Variants in EFNA5 observed in about 807,000 individuals in gnomAD.
The protein encoded by EFNA5 is ephrin-A5.
Under a neutral mutation model 22.9 loss-of-function variants are expected in EFNA5, and 5 were observed. The ratio of observed to expected loss-of-function variants is 0.22; its 90% CI spans 0.11 to 0.46. EFNA5 has a LOEUF of 0.46. EFNA5 is among the 20% of genes least tolerant of loss of function. The pLI is 0.99. For missense variants in EFNA5, 237 were observed against 293.3 expected (o/e 0.81, Z 1.40); for synonymous variants, 113 against 112.2 (o/e 1.01, Z -0.04).
chr5:107,649,978 T>A (rs555898898), intron 1 of EFNA5, among the ~76,000 whole-genome samples: 2 of 152,110 alleles, frequency 1.3e-5, no homozygotes, highest in Non-Finnish European at 2.9e-5. Flanking sequence ...CACCTCAAGT[T>A]CTTAAGCATC....
intron 1 of EFNA5, among the ~76,000 whole-genome samples, chr5:107,557,957 G>T: frequency 6.6e-6 from 1 of 152,230 alleles, no homozygotes; most frequent in African/African-American, 2.4e-5. Flanking sequence ...GCACAAAATT[G>T]CAATCATATG....
intron 1 of EFNA5, among the ~76,000 whole-genome samples, chr5:107,664,665 C>T (rs886563158): frequency 5.3e-5 from 8 of 152,036 alleles, no homozygotes; most frequent in Non-Finnish European, 1.0e-4. Context: ...AGGTGTTATC[C>T]ATCACAAATG....
At chr5:107,469,394 A>ATTT (rs5870262) in intron 1 of EFNA5, among the ~76,000 whole-genome samples, 2 of 151,012 alleles carry the variant, frequency 1.3e-5, no homozygotes, top group Non-Finnish European at 3.0e-5. Flanking sequence ...TCTTTCTTTT[A>ATTT]TTTTTTTTTG....
intron 1 of EFNA5, among the ~76,000 whole-genome samples, chr5:107,433,613 T>A (rs1749028103): frequency 6.6e-6 from 1 of 152,202 alleles, no homozygotes; most frequent in African/African-American, 2.4e-5. Flanking sequence ...TATCTCTCCC[T>A]TGCTGAGCAT....
chr5:107,616,215 C>T (rs142986167), intron 1 of EFNA5, among the ~76,000 whole-genome samples: 2,929 of 152,208 alleles, frequency 0.019, 59 homozygotes, highest in Non-Finnish European at 0.023. Flanking sequence ...TATCTTTAAT[C>T]AGAGCACATA....
At chr5:107,397,811 T>A (rs995785954) in intron 2 of EFNA5, among the ~76,000 whole-genome samples, 10 of 152,148 alleles carry the variant, frequency 6.6e-5, no homozygotes, top group African/African-American at 2.2e-4. Flanking sequence ...GATTGTACAT[T>A]TTGTTTCACA....
chr5:107,512,391 A>C (rs1347058547), intron 1 of EFNA5, among the ~76,000 whole-genome samples: 11 of 151,308 alleles, frequency 7.3e-5, no homozygotes, highest in South Asian at 4.2e-4. Flanking sequence ...ACAACAACAA[A>C]AAACACAAAA....
intron 1 of EFNA5, among the ~76,000 whole-genome samples, chr5:107,654,334 C>T (rs566202377): frequency 1.3e-5 from 2 of 151,966 alleles, no homozygotes; most frequent in Non-Finnish European, 2.9e-5. Flanking sequence ...TTTGTATTTG[C>T]CAGTGGGTTT....
intron 1 of EFNA5, among the ~76,000 whole-genome samples, chr5:107,612,608 T>C (rs1253645745): frequency 6.6e-6 from 1 of 152,134 alleles, no homozygotes; most frequent in East Asian, 1.9e-4. Context: ...TAAAAAGTTA[T>C]CAGTGAGAGC....
At chr5:107,561,878 C>A (rs771901593) in intron 1 of EFNA5, among the ~76,000 whole-genome samples, 31 of 151,976 alleles carry the variant, frequency 2.0e-4, no homozygotes, top group Non-Finnish European at 3.4e-4. Flanking sequence ...TCATTTACCA[C>A]TTTAGACATG....
intron 2 of EFNA5, among the ~76,000 whole-genome samples, chr5:107,401,804 C>T (rs537676462): frequency 5.3e-5 from 8 of 152,272 alleles, no homozygotes; most frequent in African/African-American, 1.4e-4. Context: ...TGCTTTCATT[C>T]GGGTGAAAAG....
chr5:107,476,735 T>TTCTCTCTCTCTCTCTCTC (rs34563371), intron 1 of EFNA5, among the ~76,000 whole-genome samples: 1 of 148,120 alleles, frequency 6.8e-6, no homozygotes, highest in East Asian at 2.0e-4. Context: ...TTTTTTCTCT[T>TTCTCTCTCTCTCTCTCTC]TCTCTCTCTC....
intron 1 of EFNA5, among the ~76,000 whole-genome samples, chr5:107,669,261 T>G (rs1432886117): frequency 6.6e-6 from 1 of 150,998 alleles, no homozygotes; most frequent in Non-Finnish European, 1.5e-5. Context: ...GCGCACCAAC[T>G]CTTAGGCTAA....
chr5:107,404,332 C>T (rs905227027), intron 2 of EFNA5, among the ~76,000 whole-genome samples: 3 of 152,166 alleles, frequency 2.0e-5, no homozygotes, highest in African/African-American at 7.2e-5. Context: ...ACTCCAATTA[C>T]TCTAGAATAT....
At chr5:107,483,159 C>T (rs1459564361) in intron 1 of EFNA5, among the ~76,000 whole-genome samples, 1 of 152,066 alleles carries the variant, frequency 6.6e-6, no homozygotes, top group African/African-American at 2.4e-5. Context: ...AATATAATCT[C>T]CCTTTTCTTT....
At chr5:107,442,849 C>T (rs1580454413) in intron 1 of EFNA5, among the ~76,000 whole-genome samples, 3 of 147,328 alleles carry the variant, frequency 2.0e-5, no homozygotes, top group South Asian at 4.3e-4. Context: ...TCTTCTTTCT[C>T]TTCCAACAAT....
At chr5:107,484,467 A>C (rs545049041) in intron 1 of EFNA5, among the ~76,000 whole-genome samples, 4 of 152,304 alleles carry the variant, frequency 2.6e-5, no homozygotes, top group African/African-American at 9.6e-5. Context: ...ATTGCAACAG[A>C]CGTTTTGCAT....
At chr5:107,395,131 C>T (rs1747888470) in intron 2 of EFNA5, among the ~76,000 whole-genome samples, 1 of 142,744 alleles carries the variant, frequency 7.0e-6, no homozygotes, top group Non-Finnish European at 1.5e-5. Flanking sequence ...TTCCACCTAC[C>T]AGGTTCAAGC....
intron 1 of EFNA5, among the ~76,000 whole-genome samples, chr5:107,599,420 T>C (rs1051981480): frequency 6.6e-6 from 1 of 152,322 alleles, no homozygotes; most frequent in South Asian, 2.1e-4. Context: ...TATTTGCATA[T>C]GCTTGCACAA....
Sources: gnomAD v4.1 joint callset for allele counts (sites outside exome capture counted in the v4.1 genomes callset) on GRCh38, gnomAD v4.1.1 for gene constraint, MANE v1.5 for transcripts, NCBI Gene and HGNC (gene_info 2026-07-23, HGNC 2026-07-21) for gene names.